Variants in AMOTL1 observed in about 807,000 individuals in gnomAD.
AMOTL1 encodes angiomotin like 1.
In AMOTL1, 45 loss-of-function variants were observed where a neutral mutation model predicts 102.9. That is an observed-to-expected ratio of 0.44 (90% CI 0.34 to 0.56). The LOEUF is 0.56. Ranked by LOEUF, AMOTL1 falls within the 20% of genes least tolerant of loss-of-function variation. The pLI is 0.01. For missense variants in AMOTL1, 1,114 were observed against 1,225.6 expected (o/e 0.91, Z 1.36); for synonymous variants, 481 against 484.7 (o/e 0.99, Z 0.10).
chr11:94,781,003 C>T (rs1361738169), intron 1 of AMOTL1, among the ~76,000 whole-genome samples: 1 of 152,068 alleles, frequency 6.6e-6, no homozygotes, highest in African/African-American at 2.4e-5. Context: ...ATTCTCTTTC[C>T]CCTTCAGTCA....
At chr11:94,753,348 G>C (rs1435078543) in intron 3 of AMOTL1, among the ~76,000 whole-genome samples, 1 of 94,588 alleles carries the variant, frequency 1.1e-5, no homozygotes, top group Non-Finnish European at 2.1e-5. Flanking sequence ...TCCTTGCCTT[G>C]TCACTCTCAA....
At position 94,876,501 on chromosome 11, in the gene AMOTL1, A is replaced by G. The variant is rs570259498; in HGVS notation, c.*5706A>G. 6 of 152,732 alleles carry G rather than the reference A, an allele frequency of 3.9e-5. No homozygotes were observed. The South Asian group carries it at 1.2e-3, about 32-fold the overall frequency. 9.5% of individuals were successfully genotyped at this position (152,732 alleles called of 1,614,324 possible). ...CAGTCTGTATTGAGGGGTGATGTAC[A>G]TGGCCATACAGCCAAATGGGTCTGT... On this transcript the variant is annotated 3_prime_UTR_variant, in exon 13 of 13. Transcript: ENST00000433060.
intron 1 of AMOTL1, among the ~76,000 whole-genome samples, chr11:94,710,587 A>T (rs1247374803): frequency 6.6e-6 from 1 of 152,212 alleles, no homozygotes; most frequent in African/African-American, 2.4e-5. Flanking sequence ...ACAGCGTTGG[A>T]GCAGTACTAA....
chr11:94,828,983 C>G (rs1409667408), intron 4 of AMOTL1, among the ~76,000 whole-genome samples: 1 of 152,034 alleles, frequency 6.6e-6, no homozygotes, highest in Non-Finnish European at 1.5e-5. Context: ...TGTTACATAA[C>G]AATACAATGG....
At chr11:94,868,263 T>A (rs1412366517) in intron 11 of AMOTL1, among the ~76,000 whole-genome samples, 2 of 152,250 alleles carry the variant, frequency 1.3e-5, no homozygotes, top group Admixed American at 6.5e-5. Context: ...AATTGCTGGC[T>A]ATCTAACCAG....
chr11:94,792,464 T>TAATA (rs1299071849), intron 1 of AMOTL1, among the ~76,000 whole-genome samples: 5 of 152,182 alleles, frequency 3.3e-5, no homozygotes, highest in East Asian at 1.9e-4. Context: ...ATTTAAAGTA[T>TAATA]AATAAATAAA....
chr11:94,718,188 C>T (rs958212763), intron 1 of AMOTL1, among the ~76,000 whole-genome samples: 3 of 151,664 alleles, frequency 2.0e-5, no homozygotes, highest in Admixed American at 6.6e-5. Flanking sequence ...AAAATTGGAC[C>T]CTCTTTGTAA....
At position 94,872,351 on chromosome 11, in the gene AMOTL1, T is replaced by C. The variant is rs1410765755; in HGVS notation, c.*1556T>C. 2.0e-5 allele frequency: 3 copies of C among 152,214 alleles called. No individual in the cohort carries two copies. The highest frequency in any genetic ancestry group is 6.5e-5 in the Admixed American group (1 of 15,280). The allele number at this position is 152,214 out of a possible 1,614,324, so 9.4% of individuals were successfully genotyped here. A position where few individuals can be genotyped will look rare whatever the true frequency, so the allele number is the denominator to read the frequency against. On this transcript the variant is annotated 3_prime_UTR_variant, in exon 13 of 13. Coordinates refer to ENST00000433060, the MANE Select transcript of AMOTL1 (RefSeq NM_130847.3). ...TACCTCCAGGTCAGCTGGATCGCTG[T>C]TTTCCCAGTTCCCTTTGCTCATGCT... is the stretch of plus-strand genomic sequence containing the variant.
intron 3 of AMOTL1, among the ~76,000 whole-genome samples, chr11:94,754,946 G>A (rs1032726160): frequency 3.3e-5 from 5 of 152,200 alleles, no homozygotes; most frequent in African/African-American, 1.2e-4. Context: ...AGCCCTAGGT[G>A]TGGGAGCAAC....
At chr11:94,754,900 A>G (rs891358807) in intron 3 of AMOTL1, among the ~76,000 whole-genome samples, 1 of 152,190 alleles carries the variant, frequency 6.6e-6, no homozygotes, top group Non-Finnish European at 1.5e-5. Flanking sequence ...ATAAACAGAT[A>G]ATTTGAATTC....
At chr11:94,867,807 T>C (rs1952912731) in intron 11 of AMOTL1, among the ~76,000 whole-genome samples, 1 of 152,208 alleles carries the variant, frequency 6.6e-6, no homozygotes, top group Non-Finnish European at 1.5e-5. Flanking sequence ...TCCTGCAGAC[T>C]CTGGAGTTTC....
chr11:94,848,128 C>T (rs575111219), intron 6 of AMOTL1, among the ~76,000 whole-genome samples: 1 of 152,198 alleles, frequency 6.6e-6, no homozygotes, highest in Middle Eastern at 3.2e-3. Flanking sequence ...GGTCAAATAT[C>T]AGTGACTTTG....
At chr11:94,806,926 A>C (rs889477034) in intron 3 of AMOTL1, among the ~76,000 whole-genome samples, 2 of 152,154 alleles carry the variant, frequency 1.3e-5, no homozygotes, top group Non-Finnish European at 2.9e-5. Flanking sequence ...AAAAAATTTC[A>C]GGGGGTTTGG....
rs1342963841 is a variant in AMOTL1, at chr11:94,875,336, A to G, written c.*4541A>G. 6.6e-6 allele frequency: 1 copy of G among 152,224 alleles called. No individual in the cohort carries two copies. The highest frequency in any genetic ancestry group is 2.4e-5 in the African/African-American group (1 of 41,464). The allele number at this position is 152,224 out of a possible 1,614,324, so 9.4% of individuals were successfully genotyped here. The stretch of plus-strand genomic sequence containing the variant: ...ATTTTTCCTCTTTCTCTTAAGTAGT[A>G]TACCCTTTTCTCACTTAGTAATTTA... On this transcript the variant is annotated 3_prime_UTR_variant, in exon 13 of 13. Coordinates refer to ENST00000433060, the MANE Select transcript of AMOTL1 (RefSeq NM_130847.3).
At chr11:94,759,002 C>T (rs1950760538) in intron 3 of AMOTL1, among the ~76,000 whole-genome samples, 1 of 152,172 alleles carries the variant, frequency 6.6e-6, no homozygotes. Flanking sequence ...ATTCTTATTT[C>T]AAGATGAATT....
chr11:94,768,673 T>TG, intron 1 of AMOTL1, 113 bp downstream of exon 1: 1 of 1,469,544 alleles, frequency 6.8e-7, no homozygotes, highest in Non-Finnish European at 9.2e-7. Context: ...GGGCAGCTTC[T>TG]GGGGGCCCGG....
intron 4 of AMOTL1, among the ~76,000 whole-genome samples, chr11:94,827,425 G>A (rs752094831): frequency 1.1e-4 from 17 of 152,174 alleles, no homozygotes; most frequent in Non-Finnish European, 1.8e-4. Context: ...ATGCCCAGCT[G>A]TCTGAAAACA....
chr11:94,781,394 T>C (rs1367491367), intron 1 of AMOTL1, among the ~76,000 whole-genome samples: 2 of 152,226 alleles, frequency 1.3e-5, no homozygotes, highest in Admixed American at 6.5e-5. Context: ...TCAGTTACAA[T>C]TGATTGTCAG....
chr11:94,712,151 G>A lies in AMOTL1; in HGVS notation c.-51+5554G>A, dbSNP rs73525852. 9.4e-3 allele frequency among the ~76,000 whole-genome samples: 1,429 copies of A among 152,100 alleles called. 19 individuals are homozygous for A. Among genetic ancestry groups the A allele is most frequent in the African/African-American group, 0.031 (1,297 of 41,516 alleles). The stretch of plus-strand genomic sequence containing the variant: ...TTTTAGTCATTCTGATAGATGGATA[G>A]TGATATCTCATTGTGGTTTTAATTT... On this transcript the variant is annotated intron_variant, in intron 1 of 4. Coordinates refer to the AMOTL1 transcript ENST00000299004.
Sources: gnomAD v4.1 joint callset for allele counts (sites outside exome capture counted in the v4.1 genomes callset) on GRCh38, gnomAD v4.1.1 for gene constraint, MANE v1.5 for transcripts, NCBI Gene and HGNC (gene_info 2026-07-23, HGNC 2026-07-21) for gene names.